Variants in ERICH1 observed in about 807,000 individuals in gnomAD.
The protein encoded by ERICH1 is glutamate rich 1.
ERICH1 carries 56 observed loss-of-function variants against 39.6 expected under a neutral mutation model. The observed-to-expected ratio is 1.41, with a 90% CI of 1.14 to 1.77. ERICH1 has a LOEUF of 1.77. ERICH1 is among the 40% of genes most tolerant of loss of function. The probability of loss-of-function intolerance (pLI) is 0.00; values close to 1 mark genes in which losing one functional copy is unlikely to be tolerated. For synonymous variants in ERICH1, 313 were observed against 223.6 expected, an observed-to-expected ratio of 1.40 and a Z score of -3.57; for missense variants, 826 against 575.4, an observed-to-expected ratio of 1.44 and a Z score of -4.45.
chr8:708,709 T>TTTTTTTTTTG (rs1814012461), intron 2 of ERICH1, among the ~76,000 whole-genome samples: 1 of 123,686 alleles, frequency 8.1e-6, no homozygotes, highest in Non-Finnish European at 1.7e-5. Flanking sequence ...TTTTTTTTTT[T>TTTTTTTTTTG]TTGAGACAGG....
Position 714,837 on chromosome 8 carries a change from A to G in ERICH1, c.169+1024T>C, listed in dbSNP as rs1483876659. Among the ~76,000 whole-genome samples, 5 of 146,860 alleles carry G rather than the reference A, an allele frequency of 3.4e-5. No homozygotes were observed. In the South Asian group the frequency reaches 8.7e-4, roughly 26 times the overall value. On this transcript the variant is annotated intron_variant, in intron 2 of 5. Transcript: ENST00000262109. ...CAGATGTTCTCATCCCACGTCTCTC[A>G]GTAGGATGTGCTGTACATAGGTGGT...
At chr8:650,500 A>G (rs940682947) in intron 3 of ERICH1, among the ~76,000 whole-genome samples, 3 of 152,138 alleles carry the variant, frequency 2.0e-5, no homozygotes, top group African/African-American at 4.8e-5. Context: ...TGAGGACGAA[A>G]TGGGCTTGAC....
At chr8:710,687 T>G (rs1335602715) in intron 2 of ERICH1, among the ~76,000 whole-genome samples, 1 of 152,258 alleles carries the variant, frequency 6.6e-6, no homozygotes, top group African/African-American at 2.4e-5. Context: ...TCCCATCATG[T>G]CTTTTCATGG....
At chr8:705,021 G>C (rs993532479) in intron 2 of ERICH1, among the ~76,000 whole-genome samples, 3 of 152,218 alleles carry the variant, frequency 2.0e-5, no homozygotes, top group African/African-American at 7.2e-5. Flanking sequence ...ACATACACCA[G>C]TTATTTTGGT....
chr8:656,271 T>C (rs560237299), intron 3 of ERICH1, among the ~76,000 whole-genome samples: 2 of 152,288 alleles, frequency 1.3e-5, no homozygotes, highest in East Asian at 3.9e-4. Context: ...GGATCCCCCC[T>C]GCAAAGCTGC....
intron 3 of ERICH1, among the ~76,000 whole-genome samples, chr8:633,932 G>C (rs1330410504): frequency 2.6e-5 from 4 of 152,134 alleles, no homozygotes; most frequent in Non-Finnish European, 4.4e-5. Context: ...CTCTCATAAG[G>C]AAACACAGGG....
chr8:631,467 C>A (rs66516008), intron 3 of ERICH1, among the ~76,000 whole-genome samples: 31,572 of 151,932 alleles, frequency 0.21, 4,279 homozygotes, highest in East Asian at 0.47. Context: ...GTAACCTGAG[C>A]GGGAAGTGGA....
Position 673,286 on chromosome 8 carries a change from T to G in ERICH1, c.1063+3A>C. 1 of 1,595,260 alleles carries G rather than the reference T, an allele frequency of 6.3e-7. No homozygotes were observed. Among genetic ancestry groups the G allele is most frequent in the Middle Eastern group, 1.7e-4 (1 of 5,972 alleles). Reference sequence around the variant, plus strand: ...TGCAAGAGAAAAACAGTAAAAAACATACCGTCATAAAAATACATTTCCTGT... The same window carrying G: ...TGCAAGAGAAAAACAGTAAAAAACAGACCGTCATAAAAATACATTTCCTGT... On this transcript the variant is annotated splice_donor_region_variant and intron_variant, in intron 4 of 5. Coordinates refer to ENST00000262109, the MANE Select transcript of ERICH1 (RefSeq NM_207332.3).
rs143758501 is a variant in ERICH1, at chr8:639,501, C to T, written c.977-24217G>A. ...GGCAAACCACAAAATATCAAAGAGC[C>T]GGTCTGTCATCAGCCACCAATCCAG... is the stretch of plus-strand genomic sequence containing the variant. On this transcript the variant is annotated intron_variant, in intron 3 of 3. Coordinates refer to the ERICH1 transcript ENST00000522706. Among the ~76,000 whole-genome samples the T allele has an allele frequency of 8.5e-3, 1,294 of 152,284 alleles. 11 individuals carry two copies. Among genetic ancestry groups the T allele is most frequent in the African/African-American group, 0.029 (1,217 of 41,534 alleles).
intron 2 of ERICH1, among the ~76,000 whole-genome samples, chr8:704,950 C>T (rs975753598): frequency 6.6e-6 from 1 of 152,058 alleles, no homozygotes; most frequent in Admixed American, 6.5e-5. Flanking sequence ...CAACACATAA[C>T]TGACAAATTT....
At position 673,583 on chromosome 8, in the gene ERICH1, C is replaced by A. The variant is rs1803950989; in HGVS notation, c.769G>T (p.Asp257Tyr). Residue 257 changes from aspartate to tyrosine, a missense_variant, in exon 4 of 6, where the codon GAT (aspartate) becomes TAT (tyrosine). Transcript: ENST00000262109. Reference sequence around the variant, plus strand: ...TCTTCCTCCCCGGCCGGTGTCGGATCTTCCTCACTGGCGTCCGCACCCTCT... The same window carrying A: ...TCTTCCTCCCCGGCCGGTGTCGGATATTCCTCACTGGCGTCCGCACCCTCT... The part of the protein sequence containing the change: ...QEEGADASEE[D>Y]PTPAGEEDVK... 1 of 1,554,094 alleles carries A rather than the reference C, an allele frequency of 6.4e-7. No individual in the cohort carries two copies. The highest frequency in any genetic ancestry group is 1.1e-5 in the South Asian group (1 of 87,366).
intron 2 of ERICH1, among the ~76,000 whole-genome samples, chr8:710,388 G>A (rs143406140): frequency 0.13 from 19,653 of 147,122 alleles, 1,499 homozygotes; most frequent in Middle Eastern, 0.24. Flanking sequence ...CGTCCTGCAA[G>A]TCCTCTGGGC....
chr8:617,399 C>T (rs1221738699), intron 3 of ERICH1, among the ~76,000 whole-genome samples: 2 of 152,204 alleles, frequency 1.3e-5, no homozygotes, highest in Non-Finnish European at 2.9e-5. Flanking sequence ...CTGATCACTC[C>T]CTGTCATCTA....
chr8:685,221 G>A (rs773025723), intron 3 of ERICH1, among the ~76,000 whole-genome samples: 7 of 152,046 alleles, frequency 4.6e-5, no homozygotes, highest in African/African-American at 1.7e-4. Flanking sequence ...ATTCCTTACT[G>A]GGGAAATAAT....
At chr8:670,352 G>A (rs1048887251) in intron 4 of ERICH1, among the ~76,000 whole-genome samples, 1 of 151,880 alleles carries the variant, frequency 6.6e-6, no homozygotes, top group African/African-American at 2.4e-5. Context: ...CGTGGTTTTC[G>A]GTGCTGTGGT....
intron 3 of ERICH1, among the ~76,000 whole-genome samples, chr8:689,703 G>A (rs560543203): frequency 8.3e-4 from 126 of 152,294 alleles, no homozygotes; most frequent in Middle Eastern, 6.8e-3. Flanking sequence ...ACACACTGTC[G>A]TGCTGCTGGG....
At chr8:690,683 G>A (rs1464729551) in intron 3 of ERICH1, among the ~76,000 whole-genome samples, 1 of 152,274 alleles carries the variant, frequency 6.6e-6, no homozygotes, top group African/African-American at 2.4e-5. Context: ...ATGCCCCGGC[G>A]CAGAGCAGGG....
chr8:654,377 C>A (rs1800346157), intron 3 of ERICH1, among the ~76,000 whole-genome samples: 1 of 152,014 alleles, frequency 6.6e-6, no homozygotes, highest in Admixed American at 6.6e-5. Flanking sequence ...TAAGAGAAAA[C>A]CTGGAGGGAC....
In ERICH1 at chr8:656,871, C is replaced by A. The variant is rs1044949588; in HGVS notation, c.976+11727G>T. On this transcript the variant is annotated intron_variant, in intron 3 of 3. Transcript: ENST00000522706. ...GCATGCTCCAGCCTAGAAAACAAAG[C>A]AGAAACTTAAACATTATGGATTAAT... 5.1e-6 allele frequency: 5 copies of A among 981,218 alleles called. No homozygotes were observed. In the Admixed American group the frequency reaches 3.1e-4, roughly 60 times the overall value. 60.8% of individuals were successfully genotyped at this position (981,218 alleles called of 1,614,324 possible).
Sources: allele counts gnomAD v4.1 joint callset (sites outside exome capture counted in the v4.1 genomes callset), GRCh38; gene constraint gnomAD v4.1.1; transcripts MANE v1.5; gene names NCBI Gene and HGNC (gene_info 2026-07-23, HGNC 2026-07-21).